The following CASK variants were observed in gnomAD, a reference collection of about 807,000 sequenced individuals.
CASK encodes the protein peripheral plasma membrane protein CASK.
A neutral mutation model predicts 82.9 loss-of-function variants in CASK; 4 were observed. The ratio of observed to expected loss-of-function variants is 0.05; its 90% CI spans 0.02 to 0.11. The LOEUF (loss-of-function observed/expected upper bound fraction) is 0.11. Ranked by LOEUF, CASK falls within the 10% of genes least tolerant of loss-of-function variation. CASK has a pLI of 1.00. For missense variants in CASK, 358 were observed against 720.9 expected (o/e 0.50, Z 5.76); for synonymous variants, 259 against 253.5 (o/e 1.02, Z -0.20).
At chrX:41,690,774 A>C (rs774973244) in intron 5 of CASK, among the ~76,000 whole-genome samples, 3 of 107,942 alleles carry the variant, frequency 2.8e-5, no homozygotes, top group Non-Finnish European at 5.7e-5. Flanking sequence ...CCCAGGCTCA[A>C]GCGATCCTCC....
At chrX:41,869,113 C>T (rs898535632) in intron 1 of CASK, among the ~76,000 whole-genome samples, 15 of 111,677 alleles carry the variant, frequency 1.3e-4, no homozygotes, top group African/African-American at 4.9e-4. Flanking sequence ...AGGGAACTCA[C>T]AGTAGTGAGT....
At chrX:41,722,718 T>C (rs2068188785) in intron 5 of CASK, among the ~76,000 whole-genome samples, 1 of 112,277 alleles carries the variant, frequency 8.9e-6, no homozygotes, top group African/African-American at 3.2e-5. Flanking sequence ...CGTAAGTTTT[T>C]GGCTTGAATA....
At chrX:41,918,288 T>C (rs372701775) in intron 1 of CASK, among the ~76,000 whole-genome samples, 91 of 112,340 alleles carry the variant, frequency 8.1e-4, no homozygotes, top group African/African-American at 2.8e-3. Context: ...TTTTTCTGTA[T>C]GCTGAATTAT....
intron 22 of CASK, among the ~76,000 whole-genome samples, chrX:41,542,302 C>A (rs761295361): frequency 1.8e-5 from 2 of 112,636 alleles, no homozygotes; most frequent in Non-Finnish European, 3.8e-5. Context: ...CTCAGGGCCA[C>A]GCCCAAGGGC....
At chrX:41,705,216 G>A (rs948031541) in intron 5 of CASK, among the ~76,000 whole-genome samples, 2 of 112,206 alleles carry the variant, frequency 1.8e-5, no homozygotes, top group African/African-American at 6.5e-5. Context: ...TCTGAAACTT[G>A]AGCAAGTAAG....
chrX:41,751,511 T>C, intron 3 of CASK, among the ~76,000 whole-genome samples: 1 of 107,154 alleles, frequency 9.3e-6, no homozygotes, highest in Non-Finnish European at 1.9e-5. Context: ...GCTTCTGCCC[T>C]AGGGGAAGAA....
At chrX:41,733,648 C>T (rs931713847) in intron 5 of CASK, among the ~76,000 whole-genome samples, 36 of 109,715 alleles carry the variant, frequency 3.3e-4, no homozygotes, top group African/African-American at 1.2e-3. Context: ...ACTCGGGAGG[C>T]TGAGGCAGGA....
intron 5 of CASK, among the ~76,000 whole-genome samples, chrX:41,708,075 G>A (rs1296418689): frequency 4.0e-5 from 4 of 99,714 alleles, no homozygotes; most frequent in Non-Finnish European, 6.0e-5. Context: ...CCGAGATCGC[G>A]CCACTGCAGT....
At chrX:41,723,644 G>A (rs1051312456) in intron 5 of CASK, among the ~76,000 whole-genome samples, 1 of 111,430 alleles carries the variant, frequency 9.0e-6, no homozygotes, top group African/African-American at 3.3e-5. Context: ...CCAACCCTGG[G>A]TGCAGTCTGT....
At position 41,883,535 on chromosome X, in the gene CASK, G is replaced by T. The variant is rs776126138; in HGVS notation, c.60-30308C>A. 2.7e-5 allele frequency among the ~76,000 whole-genome samples: 3 copies of T among 111,779 alleles called. No individual in the cohort carries two copies. The Admixed American group carries it at 2.8e-4, about 11-fold the overall frequency. On this transcript the variant is annotated intron_variant, in intron 1 of 26. Transcript: ENST00000378163. ...AGAAAAGGGCAGAGCACAGAGGCCA[G>T]TAAGTAGAAGAATTTTCAGGCTAAG...
chrX:41,791,133 CT>C (rs1360551578), intron 2 of CASK, among the ~76,000 whole-genome samples: 2 of 108,110 alleles, frequency 1.8e-5, no homozygotes, highest in African/African-American at 3.4e-5. Flanking sequence ...TTTGTACTTT[CT>C]TTTTTTTTAA....
intron 1 of CASK, among the ~76,000 whole-genome samples, chrX:41,918,099 A>C (rs2072724108): frequency 8.9e-6 from 1 of 112,140 alleles, no homozygotes; most frequent in African/African-American, 3.2e-5. Context: ...CCTTCAGGCA[A>C]ACACTTGATC....
At chrX:41,754,795 A>G (rs1352056966) in intron 3 of CASK, among the ~76,000 whole-genome samples, 1 of 111,465 alleles carries the variant, frequency 9.0e-6, no homozygotes, top group African/African-American at 3.3e-5. Flanking sequence ...AACTTGAATA[A>G]TCCTTTACTG....
rs781584189 is a variant in CASK, at chrX:41,869,551, G to A, written c.60-16324C>T. 2.0e-3 allele frequency among the ~76,000 whole-genome samples: 216 copies of A among 110,255 alleles called. 1 individual carries two copies. Among genetic ancestry groups the A allele is most frequent in the Non-Finnish European group, 3.3e-3 (176 of 52,788 alleles). On this transcript the variant is annotated intron_variant, in intron 1 of 26. Coordinates refer to ENST00000378163, the MANE Select transcript of CASK (RefSeq NM_001367721.1). ...ATACAGGCTGGGAGCAGTGACTCAC[G>A]CCTGCAATCCCAGCGATCTGGGAGG...
At chrX:41,884,999 GA>G (rs2072022371) in intron 1 of CASK, among the ~76,000 whole-genome samples, 1 of 112,104 alleles carries the variant, frequency 8.9e-6, no homozygotes, top group Non-Finnish European at 1.9e-5. Context: ...GATACATACA[GA>G]ATCCTGTAAC....
Position 41,638,413 on chromosome X carries a change from C to T in CASK, c.832-1752G>A, listed in dbSNP as rs137877969. Among the ~76,000 whole-genome samples the T allele has an allele frequency of 8.6e-3, 945 of 110,234 alleles. 8 individuals carry two copies. Among genetic ancestry groups the T allele is most frequent in the African/African-American group, 0.029 (890 of 30,280 alleles). The stretch of plus-strand genomic sequence containing the variant: ...TGAAAAAATTAAAAAATTAGCCAGG[C>T]GTGGTGGCATGCACCTGTAATCCCA... On this transcript the variant is annotated intron_variant, in intron 8 of 26. Coordinates refer to ENST00000378163, the MANE Select transcript of CASK (RefSeq NM_001367721.1).
chrX:41,684,856 G>A (rs1378811438), intron 5 of CASK, among the ~76,000 whole-genome samples: 2 of 111,807 alleles, frequency 1.8e-5, no homozygotes, highest in African/African-American at 6.5e-5. Flanking sequence ...TTTTAACAAG[G>A]TCTGTAGAAT....
chrX:41,921,121 A>C (rs1404267169), intron 1 of CASK, among the ~76,000 whole-genome samples: 1 of 112,407 alleles, frequency 8.9e-6, no homozygotes, highest in East Asian at 2.8e-4. Context: ...ATTGTATTTA[A>C]TTTTAATTAA....
chrX:41,696,625 C>CAATAGTTACTTAGAT, intron 5 of CASK: 1 of 1,210,440 alleles, frequency 8.3e-7, no homozygotes, highest in Non-Finnish European at 1.1e-6. Context: ...TTCCTGATGT[C>CAATAGTTACTTAGAT]CAGTAACATT....
Sources: gnomAD v4.1 joint callset for allele counts (sites outside exome capture counted in the v4.1 genomes callset) on GRCh38, gnomAD v4.1.1 for gene constraint, MANE v1.5 for transcripts, NCBI Gene and HGNC (gene_info 2026-07-23, HGNC 2026-07-21) for gene names.